CNTNAP5: variants seen among roughly 807,000 people sequenced by gnomAD.
CNTNAP5 encodes the protein contactin-associated protein-like 5.
CNTNAP5 carries 72 observed loss-of-function variants against 150.2 expected under a neutral mutation model. The observed-to-expected ratio is 0.48, with a 90% CI of 0.40 to 0.58. The LOEUF (loss-of-function observed/expected upper bound fraction) is 0.58, where lower values mean the gene tolerates loss of function less well. CNTNAP5 is among the 20% of genes least tolerant of loss of function. The pLI is 0.00. For synonymous variants in CNTNAP5, 672 were observed against 619.8 expected, an observed-to-expected ratio of 1.08 and a Z score of -1.25; for missense variants, 1,636 against 1,626.2, an observed-to-expected ratio of 1.01 and a Z score of -0.10.
chr2:124,869,755 A>T lies in CNTNAP5; in HGVS notation c.3429A>T (p.Lys1143Asn). ...FRVIRSLTLG[K>N]VTENLGLDSE... is the part of the protein sequence containing the mutation. Reference sequence around the variant, plus strand: ...TTATAAGGTCACTCACCTTGGGCAAAGTCACAGGTATGTTGTTCTAGTTCA... The same window carrying T: ...TTATAAGGTCACTCACCTTGGGCAATGTCACAGGTATGTTGTTCTAGTTCA... The change falls in exon 21 of 24, where the codon AAA (lysine) becomes AAT (asparagine). Residue 1143 changes from lysine to asparagine, a missense_variant. Coordinates refer to ENST00000682447, the MANE Select transcript of CNTNAP5 (RefSeq NM_001367498.1). 6.3e-7 allele frequency: 1 copy of T among 1,596,234 alleles called. No individual in the cohort carries two copies. The highest frequency in any genetic ancestry group is 1.1e-5 in the South Asian group (1 of 90,548).
At chr2:124,032,582 GA>G (rs965115194) in intron 1 of CNTNAP5, among the ~76,000 whole-genome samples, 4 of 149,770 alleles carry the variant, frequency 2.7e-5, no homozygotes, top group Admixed American at 6.6e-5. Flanking sequence ...CACAGCATTG[GA>G]AAAAAAAATA....
At chr2:124,145,835 A>AAG (rs1684234637) in intron 1 of CNTNAP5, among the ~76,000 whole-genome samples, 5 of 49,790 alleles carry the variant, frequency 1.0e-4, no homozygotes, top group South Asian at 9.7e-4. Context: ...AAAAGAAGAA[A>AAG]AAAAAAAAAA....
At chr2:124,636,113 A>G (rs968371002) in intron 12 of CNTNAP5, among the ~76,000 whole-genome samples, 2 of 152,168 alleles carry the variant, frequency 1.3e-5, no homozygotes, top group East Asian at 3.9e-4. Flanking sequence ...TAATTGAAAA[A>G]CATCTACCAA....
chr2:124,548,672 A>T (rs2104914281), intron 10 of CNTNAP5, among the ~76,000 whole-genome samples: 1 of 152,274 alleles, frequency 6.6e-6, no homozygotes, highest in South Asian at 2.1e-4. Context: ...GCAGGAAAGA[A>T]AAAAACACAG....
intron 21 of CNTNAP5, among the ~76,000 whole-genome samples, chr2:124,873,145 A>C (rs2104729434): frequency 6.6e-6 from 1 of 152,216 alleles, no homozygotes; most frequent in African/African-American, 2.4e-5. Context: ...AGAATCTTAA[A>C]GTAATGGCAG....
intron 7 of CNTNAP5, among the ~76,000 whole-genome samples, chr2:124,489,949 A>C (rs1693978341): frequency 6.6e-6 from 1 of 152,170 alleles, no homozygotes; most frequent in African/African-American, 2.4e-5. Context: ...CATGTCTGCA[A>C]GGGAAGTGGG....
chr2:124,724,225 A>G (rs987123170), intron 13 of CNTNAP5, among the ~76,000 whole-genome samples: 2 of 152,028 alleles, frequency 1.3e-5, no homozygotes, highest in East Asian at 1.9e-4. Context: ...GAGGTGCTGC[A>G]TGTTGGCACT....
chr2:124,548,197 G>A (rs144794450), intron 10 of CNTNAP5, among the ~76,000 whole-genome samples: 5 of 152,314 alleles, frequency 3.3e-5, no homozygotes, highest in African/African-American at 1.2e-4. Flanking sequence ...TAAGGGTCGT[G>A]ACATTTTAGC....
Position 124,798,123 on chromosome 2 carries a change from C to G in CNTNAP5, c.3020C>G (p.Thr1007Arg). Residue 1007 changes from threonine to arginine, a missense_variant, in exon 19 of 24, where the codon ACG (threonine) becomes AGG (arginine). Transcript: ENST00000682447. ...KEVSAVFEAGTSVTYMFQEPY... is the reference protein window; with the variant it reads ...KEVSAVFEAGRSVTYMFQEPY... ...GTTTCTGCTGTTTTTGAGGCTGGCA[C>G]GTCGGTTACTTACATGTTTCAAGAA... 1 of 1,612,450 alleles carries G rather than the reference C, an allele frequency of 6.2e-7. No individual in the cohort carries two copies. Among genetic ancestry groups the G allele is most frequent in the Non-Finnish European group, 8.5e-7 (1 of 1,179,194 alleles).
chr2:124,435,431 AC>A (rs1692505901), intron 5 of CNTNAP5, among the ~76,000 whole-genome samples: 1 of 152,156 alleles, frequency 6.6e-6, no homozygotes, highest in Admixed American at 6.6e-5. Context: ...TAAGCTGAGT[AC>A]AAAAGGCAGG....
At chr2:124,227,873 C>G (rs1298264835) in intron 2 of CNTNAP5, among the ~76,000 whole-genome samples, 1 of 151,582 alleles carries the variant, frequency 6.6e-6, no homozygotes, top group Non-Finnish European at 1.5e-5. Context: ...GAAACAGAAC[C>G]AACGGGATAT....
At chr2:124,177,810 G>A (rs1483235569) in intron 1 of CNTNAP5, among the ~76,000 whole-genome samples, 1 of 149,454 alleles carries the variant, frequency 6.7e-6, no homozygotes, top group East Asian at 2.0e-4. Flanking sequence ...GTTTTTGTTT[G>A]TTTGGTTGGT....
intron 3 of CNTNAP5, among the ~76,000 whole-genome samples, chr2:124,393,036 T>C (rs1691160283): frequency 6.6e-6 from 1 of 152,184 alleles, no homozygotes; most frequent in African/African-American, 2.4e-5. Context: ...TGTTTTGTTG[T>C]CTTTGCAATC....
At chr2:124,527,077 T>G (rs1443702819) in intron 9 of CNTNAP5, among the ~76,000 whole-genome samples, 1 of 152,158 alleles carries the variant, frequency 6.6e-6, no homozygotes, top group African/African-American at 2.4e-5. Context: ...ACGCTTTTTA[T>G]TTTCTCTACA....
chr2:124,679,268 A>G (rs568630285), intron 13 of CNTNAP5, among the ~76,000 whole-genome samples: 1 of 152,038 alleles, frequency 6.6e-6, no homozygotes, highest in African/African-American at 2.4e-5. Context: ...TGGTGCACAC[A>G]TCAGGAAAGC....
In CNTNAP5 at chr2:124,647,803, C is replaced by T; in HGVS notation, c.1922C>T (p.Thr641Ile). ...TSVQHNNTEL[T>I]RVRGANPEKP... The stretch of plus-strand genomic sequence containing the variant: ...GTGCAGCACAACAATACAGAGCTGA[C>T]CCGAGTGCGGGGCGCTAACCCTGAG... The change falls in exon 13 of 24, where the codon ACC becomes ATC. Residue 641 changes from threonine to isoleucine, a missense_variant. Physicochemically the swap from Thr to Ile is moderately conservative, Grantham distance 89. Coordinates refer to ENST00000682447, the MANE Select transcript of CNTNAP5 (RefSeq NM_001367498.1). 1 of 1,613,206 alleles carries T rather than the reference C, an allele frequency of 6.2e-7. No homozygotes were observed. The highest frequency in any genetic ancestry group is 8.5e-7 in the Non-Finnish European group (1 of 1,179,520).
intron 6 of CNTNAP5, among the ~76,000 whole-genome samples, chr2:124,459,518 G>A (rs964069442): frequency 4.6e-5 from 7 of 152,140 alleles, no homozygotes; most frequent in Admixed American, 2.6e-4. Flanking sequence ...GGAGGCTGAG[G>A]CAGGTGGATC....
intron 1 of CNTNAP5, among the ~76,000 whole-genome samples, chr2:124,166,902 A>G (rs1684819933): frequency 6.6e-6 from 1 of 152,148 alleles, no homozygotes; most frequent in Non-Finnish European, 1.5e-5. Flanking sequence ...TTCCCCCAAG[A>G]TGGAGCCCAC....
chr2:124,878,945 A>G, intron 21 of CNTNAP5, among the ~76,000 whole-genome samples: 1 of 151,962 alleles, frequency 6.6e-6, no homozygotes, highest in East Asian at 1.9e-4. Context: ...GGCCTCCCAA[A>G]ATGCTGGGAT....
Sources: allele counts gnomAD v4.1 joint callset (sites outside exome capture counted in the v4.1 genomes callset), GRCh38; gene constraint gnomAD v4.1.1; transcripts MANE v1.5; gene names NCBI Gene and HGNC (gene_info 2026-07-23, HGNC 2026-07-21).